The following MICALL2 variants were observed in gnomAD, a reference collection of about 807,000 sequenced individuals.
The protein encoded by MICALL2 is MICAL like 2.
Under a neutral mutation model 91.1 loss-of-function variants are expected in MICALL2, and 111 were observed. That is an observed-to-expected ratio of 1.22 (90% CI 1.04 to 1.43). The LOEUF (loss-of-function observed/expected upper bound fraction) is 1.43, where lower values mean the gene tolerates loss of function less well. Among genes scored for constraint, MICALL2 ranks in the 40% most tolerant of loss-of-function variants. The probability of loss-of-function intolerance (pLI) is 0.00; values close to 1 mark genes in which losing one functional copy is unlikely to be tolerated. For synonymous variants in MICALL2, 694 were observed against 525.3 expected, an observed-to-expected ratio of 1.32 and a Z score of -4.39; for missense variants, 1,556 against 1,236.0, an observed-to-expected ratio of 1.26 and a Z score of -3.88.
chr7:1,444,577 C>A (rs2128522242), intron 6 of MICALL2, 75 bp downstream of exon 6: 1 of 1,429,436 alleles, frequency 7.0e-7, no homozygotes, highest in Non-Finnish European at 9.4e-7. Context: ...CGCCCCCAAC[C>A]CCTCTGGCCT....
At chr7:1,438,574 G>C (rs1780101663) in intron 10 of MICALL2, 5 of 1,423,082 alleles carry the variant, frequency 3.5e-6, no homozygotes, top group Non-Finnish European at 2.7e-6. Flanking sequence ...CTCCAGGTCA[G>C]CAACACCCCA....
chr7:1,439,183 CA>C (rs1780137488), intron 9 of MICALL2, 188 bp from the exon 10 acceptor site: 2 of 565,804 alleles, frequency 3.5e-6, no homozygotes, highest in Middle Eastern at 9.5e-4. Context: ...CATGTCTCCC[CA>C]GGGGGCTAAC....
chr7:1,450,412 T>C (rs1780784048), intron 1 of MICALL2, 124 bp from the exon 2 acceptor site: 1 of 805,122 alleles, frequency 1.2e-6, no homozygotes, highest in African/African-American at 1.7e-5. Context: ...TGTGAAGGAA[T>C]GAGGTGGCAC....
At chr7:1,436,587 G>T (rs1420796855) in intron 15 of MICALL2, among the ~76,000 whole-genome samples, 155 bp downstream of exon 15, 1 of 143,506 alleles carries the variant, frequency 7.0e-6, no homozygotes, top group Non-Finnish European at 1.5e-5. Flanking sequence ...AAAAGTCCCC[G>T]ATGGCCACAT....
intron 8 of MICALL2, 51 bp from the exon 9 acceptor site, chr7:1,440,136 G>A: frequency 1.3e-6 from 2 of 1,557,210 alleles, no homozygotes; most frequent in Non-Finnish European, 1.7e-6. Context: ...CCAGGGCCTG[G>A]CCCACCTGGA....
chr7:1,440,106 C>T (rs758524433), intron 8 of MICALL2, 21 bp from the exon 9 acceptor site: 12 of 1,575,194 alleles, frequency 7.6e-6, no homozygotes, highest in South Asian at 2.4e-5. Flanking sequence ...GGCATGAGGT[C>T]GGAACCCGAA....
At position 1,437,883 on chromosome 7, in the gene MICALL2, C is replaced by T; in HGVS notation, c.2402+7G>A. 1.3e-6 allele frequency: 2 copies of T among 1,548,410 alleles called. No homozygotes were observed. Among genetic ancestry groups the T allele is most frequent in the East Asian group, 2.4e-5 (1 of 40,914 alleles). On this transcript the variant is annotated splice_region_variant and intron_variant, in intron 13 of 16. Coordinates refer to ENST00000297508, the MANE Select transcript of MICALL2 (RefSeq NM_182924.4). ...CTTCGAGGAGGGGCCCACGGCTGGG[C>T]TCTCACTTGTACATCAGCTCTGACT...
intron 16 of MICALL2, 124 bp from the exon 17 acceptor site, chr7:1,434,796 A>G (rs1779885165): frequency 9.6e-7 from 1 of 1,046,998 alleles, no homozygotes. Context: ...TGGGCCTCCG[A>G]GCCTGCAGGA....
intron 1 of MICALL2, among the ~76,000 whole-genome samples, chr7:1,455,588 C>T (rs927819770): frequency 8.1e-5 from 12 of 147,714 alleles, no homozygotes; most frequent in East Asian, 5.8e-4. Context: ...ACACGTGGCT[C>T]AAGGAGCCGG....
intron 6 of MICALL2, among the ~76,000 whole-genome samples, chr7:1,444,287 C>T (rs1780451093): frequency 6.9e-6 from 1 of 144,612 alleles, no homozygotes; most frequent in South Asian, 2.2e-4. Context: ...CACTCAGACC[C>T]GCCAGCGTGG....
chr7:1,442,136 G>GA (rs1057043451), intron 7 of MICALL2, 56 bp downstream of exon 7: 2 of 1,580,806 alleles, frequency 1.3e-6, no homozygotes, highest in African/African-American at 1.3e-5. Context: ...GCGGCCAGGG[G>GA]AGAGTCCCAG....
rs1212425378 is a variant in MICALL2, at chr7:1,451,153, C to T, written c.144-865G>A. Among the ~76,000 whole-genome samples, 4 of 152,186 alleles carry T rather than the reference C, an allele frequency of 2.6e-5. No homozygotes were observed. The highest frequency in any genetic ancestry group is 1.9e-4 in the East Asian group (1 of 5,188). On this transcript the variant is annotated intron_variant, in intron 1 of 16. Coordinates refer to ENST00000297508, the MANE Select transcript of MICALL2 (RefSeq NM_182924.4). This position sits in a 1 kb window ranked among gnomAD's most constrained non-coding sequence, Gnocchi z 4.5. Reference sequence around the variant, plus strand: ...CGGGAAGTTCCCGAGGTGAGGTCCCCGGCCAGCCTGGACAGCAGGGCCCTT... The same window carrying T: ...CGGGAAGTTCCCGAGGTGAGGTCCCTGGCCAGCCTGGACAGCAGGGCCCTT...
chr7:1,439,340 A>ATTTTTTAAT, intron 9 of MICALL2: 1 of 287,966 alleles, frequency 3.5e-6, no homozygotes. Context: ...GCACACGTGG[A>ATTTTTTAAT]CACACATGCA....
chr7:1,446,745 G>A lies in MICALL2; in HGVS notation c.609C>T (p.Ala203=), dbSNP rs116599944. 1,875 of 1,606,806 alleles carry A rather than the reference G, an allele frequency of 1.2e-3. 15 individuals are homozygous for A. The African/African-American group carries it at 0.022, about 19-fold the overall frequency. ...KHVHLVQRHL[A]DGRLYHRSCF... is the part of the protein sequence containing the mutation. ...AGCTCCGGTGGTAAAGCCTCCCGTC[G>A]GCCAGGTGCCGCTGTACCAGGTGCA... The change falls in exon 5 of 17, where the codon GCC becomes GCT. Residue 203 remains alanine, a synonymous_variant. Transcript: ENST00000297508.
At position 1,451,884 on chromosome 7, in the gene MICALL2, A is replaced by AC. The variant is rs1391216203; in HGVS notation, c.144-1597dup. On this transcript the variant is annotated intron_variant, in intron 1 of 16. Transcript: ENST00000297508. This position sits in a 1 kb window ranked among gnomAD's most constrained non-coding sequence, Gnocchi z 4.5. ...CCTGCACAGCCCTTGCCAGGCCCTG[A>AC]CCCCCATAAGAATGCTCCGAGGCCC... Among the ~76,000 whole-genome samples, 1 of 151,612 alleles carries AC rather than the reference A, an allele frequency of 6.6e-6. No homozygotes were observed. The highest frequency in any genetic ancestry group is 2.4e-5 in the African/African-American group (1 of 41,198).
intron 1 of MICALL2, among the ~76,000 whole-genome samples, chr7:1,455,845 C>T (rs1780995186): frequency 6.6e-6 from 1 of 152,024 alleles, no homozygotes; most frequent in Non-Finnish European, 1.5e-5. Flanking sequence ...GTCCACCCTT[C>T]TGCTGTCAAG....
chr7:1,448,683 C>A lies in MICALL2; in HGVS notation c.271G>T (p.Asp91Tyr), dbSNP rs149753892. ...AEDMVALKVP[D>Y]RLSILTYVSQ... ...ACGTAGGTCAAGATGCTCAGCCGGTCAGGCACCTTCAAGGCCACCATGTCC... is the reference window on the plus strand; with the variant it reads ...ACGTAGGTCAAGATGCTCAGCCGGTAAGGCACCTTCAAGGCCACCATGTCC... The change falls in exon 3 of 17, where the codon GAC becomes TAC. Residue 91 changes from aspartate to tyrosine, a missense_variant. Transcript: ENST00000297508. 3 of 1,612,710 alleles carry A rather than the reference C, an allele frequency of 1.9e-6. No homozygotes were observed. The African/African-American group carries it at 4.0e-5, about 22-fold the overall frequency.
Position 1,442,350 on chromosome 7 carries a change from G to C in MICALL2, c.1553C>G (p.Ala518Gly). 6.2e-7 allele frequency: 1 copy of C among 1,612,718 alleles called. No individual in the cohort carries two copies. Among genetic ancestry groups the C allele is most frequent in the South Asian group, 1.1e-5 (1 of 91,036 alleles). ...LGLPSRMEPP[A>G]PLSTSSTSQA... ...AGAGGTACTGCTCGTGCTCAGCGGG[G>C]CTGGCGGTTCCATCCTCGAAGGGAG... Residue 518 changes from alanine (A) to glycine (G), a missense_variant, in exon 7 of 17, where the codon GCC (alanine) becomes GGC (glycine). Coordinates refer to ENST00000297508, the MANE Select transcript of MICALL2 (RefSeq NM_182924.4).
intron 5 of MICALL2, among the ~76,000 whole-genome samples, chr7:1,445,680 C>T (rs994822413): frequency 6.6e-5 from 10 of 152,234 alleles, no homozygotes; most frequent in Non-Finnish European, 1.2e-4. Context: ...CATCACAAAC[C>T]CCACCAAAAA....
Sources: allele counts gnomAD v4.1 joint callset (sites outside exome capture counted in the v4.1 genomes callset), GRCh38; gene constraint gnomAD v4.1.1; non-coding constraint Gnocchi (gnomAD v3.1); transcripts MANE v1.5; gene names NCBI Gene and HGNC (gene_info 2026-07-23, HGNC 2026-07-21).